WWC2: variants seen among roughly 807,000 people sequenced by gnomAD.
The protein encoded by WWC2 is protein WWC2.
A neutral mutation model predicts 138.5 loss-of-function variants in WWC2; 101 were observed. The ratio of observed to expected loss-of-function variants is 0.73; its 90% CI spans 0.62 to 0.86. The LOEUF (loss-of-function observed/expected upper bound fraction) is 0.86, where lower values mean the gene tolerates loss of function less well. Among genes scored for constraint, WWC2 ranks in the 40% least tolerant of loss-of-function variants. The pLI is 0.00. For missense variants in WWC2, 1,420 were observed against 1,419.4 expected (o/e 1.00, Z -0.01); for synonymous variants, 558 against 538.4 (o/e 1.04, Z -0.50).
chr4:183,251,611 C>A (rs1560867424), intron 8 of WWC2, among the ~76,000 whole-genome samples: 2 of 152,176 alleles, frequency 1.3e-5, no homozygotes, highest in African/African-American at 4.8e-5. Flanking sequence ...TCTGATGACA[C>A]AAATAATAAA....
intron 21 of WWC2, among the ~76,000 whole-genome samples, chr4:183,298,239 G>A (rs933084145): frequency 1.3e-5 from 2 of 152,212 alleles, no homozygotes; most frequent in African/African-American, 4.8e-5. Flanking sequence ...CCATGCCATA[G>A]CTATTGTTTT....
At chr4:183,194,442 C>A (rs1335825393) in intron 2 of WWC2, among the ~76,000 whole-genome samples, 1 of 152,168 alleles carries the variant, frequency 6.6e-6, no homozygotes, top group East Asian at 1.9e-4. Flanking sequence ...AATACTCATT[C>A]ACTTTGCTTA....
In WWC2 at chr4:183,161,589, C is replaced by T. The variant is rs148426849; in HGVS notation, c.132-32010C>T. On this transcript the variant is annotated intron_variant, in intron 1 of 22. Coordinates refer to ENST00000403733, the MANE Select transcript of WWC2 (RefSeq NM_024949.6). ...CTGCATAAGGACATTTTGGTCAGGA[C>T]GGACTGCATATATAACAGTGGTCCC... Among the ~76,000 whole-genome samples, 38 of 152,250 alleles carry T rather than the reference C, an allele frequency of 2.5e-4. 1 individual carries two copies. The East Asian group carries it at 3.7e-3, about 15-fold the overall frequency.
intron 4 of WWC2, among the ~76,000 whole-genome samples, chr4:183,230,566 A>G (rs1286719934): frequency 6.6e-6 from 1 of 152,184 alleles, no homozygotes; most frequent in Non-Finnish European, 1.5e-5. Flanking sequence ...AATCCCAGCT[A>G]TTCGGGAGGC....
rs534749859 is a variant in WWC2 at position 183,271,046 on chromosome 4, AT to A, written c.2401-25del. The A allele has an allele frequency of 2.4e-4, 334 of 1,385,264 alleles. 3 individuals carry two copies. The East Asian group carries it at 4.8e-3, about 20-fold the overall frequency. The allele number at this position is 1,385,264 out of a possible 1,614,324, so 85.8% of individuals were successfully genotyped here. A position where few individuals can be genotyped will look rare whatever the true frequency, so the allele number is the denominator to read the frequency against. On this transcript the variant is annotated intron_variant, in intron 15 of 22. Transcript: ENST00000403733. ...TTAAACATTTTATTTTCTCTTCCTT[AT>A]TTTTTTTTCTTTGTTTTCTTTCACT...
intron 1 of WWC2, among the ~76,000 whole-genome samples, chr4:183,145,938 A>G (rs1030198173): frequency 1.1e-4 from 16 of 152,186 alleles, no homozygotes; most frequent in African/African-American, 3.6e-4. Flanking sequence ...CAGAGATACT[A>G]CAATTCCTTA....
chr4:183,198,782 G>T (rs1307627786), intron 2 of WWC2, among the ~76,000 whole-genome samples: 1 of 68,166 alleles, frequency 1.5e-5, no homozygotes, highest in African/African-American at 6.3e-5. Context: ...ATAAGACCTC[G>T]TCTCTTTAAA....
intron 1 of WWC2, among the ~76,000 whole-genome samples, chr4:183,178,461 T>A (rs1734527420): frequency 6.7e-6 from 1 of 150,302 alleles, no homozygotes; most frequent in Admixed American, 6.6e-5. Flanking sequence ...TACCGGTAAG[T>A]CCTAGCTTAC....
At chr4:183,156,570 G>GA (rs1733811937) in intron 1 of WWC2, among the ~76,000 whole-genome samples, 2 of 152,004 alleles carry the variant, frequency 1.3e-5, no homozygotes, top group Admixed American at 1.3e-4. Flanking sequence ...GACCTTGGGG[G>GA]ATCCACCTGC....
At chr4:183,250,075 C>A in intron 8 of WWC2, 82 bp downstream of exon 8, 1 of 1,262,646 alleles carries the variant, frequency 7.9e-7, no homozygotes, top group Non-Finnish European at 1.1e-6. Context: ...GTGACATCTG[C>A]TGGGCACTCC....
intron 18 of WWC2, among the ~76,000 whole-genome samples, chr4:183,283,308 G>A (rs1738142026): frequency 6.6e-6 from 1 of 152,222 alleles, no homozygotes; most frequent in African/African-American, 2.4e-5. Context: ...GTTAGGCGAT[G>A]CCCTGATTAG....
At chr4:183,162,867 A>C (rs565226196) in intron 1 of WWC2, among the ~76,000 whole-genome samples, 1 of 152,268 alleles carries the variant, frequency 6.6e-6, no homozygotes, top group Admixed American at 6.5e-5. Context: ...AAGCCTTATC[A>C]AGGGCTTTGC....
At chr4:183,263,038 C>T (rs1737383017) in intron 11 of WWC2, among the ~76,000 whole-genome samples, 1 of 152,166 alleles carries the variant, frequency 6.6e-6, no homozygotes, top group Admixed American at 6.5e-5. Context: ...ATTATTAGTA[C>T]TCTGTGACAG....
chr4:183,154,887 C>T (rs1733753675), intron 1 of WWC2, among the ~76,000 whole-genome samples: 3 of 152,212 alleles, frequency 2.0e-5, no homozygotes, highest in Admixed American at 2.0e-4. Context: ...GCCCCTCTCT[C>T]AGACCGCAGA....
chr4:183,154,735 C>T (rs1005990089), intron 1 of WWC2, among the ~76,000 whole-genome samples: 71 of 152,306 alleles, frequency 4.7e-4, no homozygotes, highest in African/African-American at 1.6e-3. Flanking sequence ...CTCTTGCAGC[C>T]ATCCCCCACA....
intron 1 of WWC2, among the ~76,000 whole-genome samples, chr4:183,155,702 A>G (rs1225525956): frequency 6.6e-6 from 1 of 152,190 alleles, no homozygotes; most frequent in Non-Finnish European, 1.5e-5. Flanking sequence ...TTAAAGTCAT[A>G]AGATGTACTT....
intron 2 of WWC2, among the ~76,000 whole-genome samples, chr4:183,204,297 A>G (rs1396978630): frequency 6.6e-6 from 1 of 152,208 alleles, no homozygotes; most frequent in South Asian, 2.1e-4. Flanking sequence ...CTGTGGCAGA[A>G]AGACCCGAGA....
intron 8 of WWC2, among the ~76,000 whole-genome samples, 174 bp downstream of exon 8, chr4:183,250,167 C>T (rs758801458): frequency 6.9e-6 from 1 of 145,836 alleles, no homozygotes; most frequent in Non-Finnish European, 1.5e-5. Context: ...CTTCCCCCCG[C>T]CCTCCACCCC....
intron 1 of WWC2, among the ~76,000 whole-genome samples, chr4:183,115,983 T>G (rs1732397009): frequency 6.6e-6 from 1 of 152,208 alleles, no homozygotes; most frequent in Non-Finnish European, 1.5e-5. Context: ...GTTTTACACT[T>G]AAGTCTTTAA....
Sources: allele counts gnomAD v4.1 joint callset (sites outside exome capture counted in the v4.1 genomes callset), GRCh38; gene constraint gnomAD v4.1.1; transcripts MANE v1.5; gene names NCBI Gene and HGNC (gene_info 2026-07-23, HGNC 2026-07-21).